Variants in NR6A1 observed in about 807,000 individuals in gnomAD.
NR6A1 encodes nuclear receptor subfamily 6 group A member 1.
A neutral mutation model predicts 59.1 loss-of-function variants in NR6A1; 7 were observed. The observed-to-expected ratio is 0.12, with a 90% CI of 0.07 to 0.22. NR6A1 has a LOEUF of 0.22. NR6A1 is among the 10% of genes least tolerant of loss of function. The pLI is 1.00. For synonymous variants in NR6A1, 243 were observed against 236.1 expected (o/e 1.03, Z -0.27); for missense variants, 468 against 611.6 (o/e 0.77, Z 2.48).
intron 2 of NR6A1, among the ~76,000 whole-genome samples, chr9:124,649,444 A>G (rs992577027): frequency 6.6e-6 from 1 of 152,108 alleles, no homozygotes; most frequent in Non-Finnish European, 1.5e-5. Flanking sequence ...TTACTACATA[A>G]AAAAATCAAA....
intron 2 of NR6A1, among the ~76,000 whole-genome samples, chr9:124,718,191 C>G (rs1248452699): frequency 6.6e-6 from 1 of 152,196 alleles, no homozygotes; most frequent in Non-Finnish European, 1.5e-5. Flanking sequence ...ACCATGCACC[C>G]ATGCATTTCA....
intron 2 of NR6A1, among the ~76,000 whole-genome samples, chr9:124,682,149 C>T (rs965469697): frequency 1.3e-5 from 2 of 152,096 alleles, no homozygotes; most frequent in Non-Finnish European, 2.9e-5. Flanking sequence ...CGCCCACCAC[C>T]ATGCCCAGCT....
chr9:124,711,047 C>A (rs1839264526), intron 2 of NR6A1, among the ~76,000 whole-genome samples: 1 of 151,912 alleles, frequency 6.6e-6, no homozygotes, highest in Admixed American at 6.6e-5. Flanking sequence ...ATGAACCATA[C>A]CCAATTGTTA....
intron 2 of NR6A1, among the ~76,000 whole-genome samples, chr9:124,700,667 C>T (rs931256508): frequency 1.3e-5 from 2 of 151,686 alleles, no homozygotes; most frequent in Non-Finnish European, 2.9e-5. Flanking sequence ...TTTATCCATT[C>T]ACCAGCTGCT....
intron 2 of NR6A1, among the ~76,000 whole-genome samples, chr9:124,579,006 T>C (rs1184502143): frequency 6.6e-6 from 1 of 152,220 alleles, no homozygotes; most frequent in African/African-American, 2.4e-5. Flanking sequence ...AACTGCCAGG[T>C]GCCAGTGGCT....
rs994327634 is a variant in NR6A1 at position 124,555,778 on chromosome 9, G to A, written c.143-1208C>T. Among the ~76,000 whole-genome samples, 22 of 152,276 alleles carry A rather than the reference G, an allele frequency of 1.4e-4. No individual in the cohort carries two copies. The South Asian group carries it at 3.9e-3, about 27-fold the overall frequency. On this transcript the variant is annotated intron_variant, in intron 2 of 9. Transcript: ENST00000487099. ...TTCTAATTTCTCTCATCTGTTAAAT[G>A]GTGATTATAATAATACCTATATCCC...
At chr9:124,733,053 G>A (rs577801784) in intron 2 of NR6A1, among the ~76,000 whole-genome samples, 9 of 152,300 alleles carry the variant, frequency 5.9e-5, no homozygotes, top group African/African-American at 2.2e-4. Flanking sequence ...ACAAAGCAAG[G>A]AGACTGGTGT....
intron 2 of NR6A1, among the ~76,000 whole-genome samples, chr9:124,597,019 A>G (rs867692876): frequency 6.6e-6 from 1 of 152,226 alleles, no homozygotes; most frequent in African/African-American, 2.4e-5. Flanking sequence ...GTATTCCAGA[A>G]AAAGGAGACC....
intron 2 of NR6A1, among the ~76,000 whole-genome samples, chr9:124,665,008 T>TA (rs1440554501): frequency 0.17 from 4,210 of 24,474 alleles, 1,041 homozygotes; most frequent in African/African-American, 0.37. Context: ...TCCTTGTATC[T>TA]CCAAAAAAAA....
chr9:124,541,381 C>A (rs1356937960), intron 4 of NR6A1, among the ~76,000 whole-genome samples: 1 of 152,080 alleles, frequency 6.6e-6, no homozygotes, highest in Non-Finnish European at 1.5e-5. Context: ...AAAAGATGCT[C>A]AATATCACTT....
At chr9:124,698,131 T>C (rs890110792) in intron 2 of NR6A1, 2 of 152,220 alleles carry the variant, frequency 1.3e-5, no homozygotes, top group Middle Eastern at 6.3e-3. Flanking sequence ...TTTTTATGTT[T>C]ATTATTTATA....
At chr9:124,547,543 G>A (rs1313987122) in intron 3 of NR6A1, among the ~76,000 whole-genome samples, 1 of 152,102 alleles carries the variant, frequency 6.6e-6, no homozygotes, top group Non-Finnish European at 1.5e-5. Context: ...GAAAAATCTG[G>A]CAACATCACC....
At chr9:124,630,500 T>C (rs1056967657) in intron 2 of NR6A1, among the ~76,000 whole-genome samples, 5 of 150,582 alleles carry the variant, frequency 3.3e-5, no homozygotes, top group African/African-American at 9.8e-5. Context: ...GCCTCCAAAG[T>C]GCTGGGATTA....
chr9:124,745,923 G>C (rs1164900736), intron 1 of NR6A1, among the ~76,000 whole-genome samples: 1 of 149,936 alleles, frequency 6.7e-6, no homozygotes, highest in Non-Finnish European at 1.5e-5. Context: ...GGGAGGCAGA[G>C]GTTGCAGTAA....
chr9:124,599,070 T>G (rs1835370168), intron 2 of NR6A1: 1 of 726,728 alleles, frequency 1.4e-6, no homozygotes, highest in Admixed American at 1.9e-5. Flanking sequence ...TTCAGGAGCT[T>G]GACGTCACCA....
At chr9:124,599,419 C>CAAAAA (rs530668330) in intron 2 of NR6A1, 23 of 292,382 alleles carry the variant, frequency 7.9e-5, no homozygotes, top group Admixed American at 7.8e-4. Context: ...TACATGGTCT[C>CAAAAA]AAAAAAAAAA....
At chr9:124,551,996 A>C (rs1833792065) in intron 3 of NR6A1, among the ~76,000 whole-genome samples, 1 of 152,170 alleles carries the variant, frequency 6.6e-6, no homozygotes, top group African/African-American at 2.4e-5. Flanking sequence ...AACAGTCCTA[A>C]GGAGACAGCT....
At chr9:124,755,964 T>C (rs1840621421) in intron 1 of NR6A1, among the ~76,000 whole-genome samples, 1 of 152,178 alleles carries the variant, frequency 6.6e-6, no homozygotes, top group African/African-American at 2.4e-5. Flanking sequence ...AAATGACACT[T>C]TGAAAAATGC....
intron 2 of NR6A1, among the ~76,000 whole-genome samples, chr9:124,712,618 A>G (rs1839311480): frequency 6.6e-6 from 1 of 152,216 alleles, no homozygotes; most frequent in South Asian, 2.1e-4. Context: ...AAAAAAAAAA[A>G]AAAGTCTTTT....
Sources: allele counts gnomAD v4.1 joint callset (sites outside exome capture counted in the v4.1 genomes callset), GRCh38; gene constraint gnomAD v4.1.1; transcripts MANE v1.5; gene names NCBI Gene and HGNC (gene_info 2026-07-23, HGNC 2026-07-21).